The following KCNN1 variants were observed in gnomAD, a reference collection of about 807,000 sequenced individuals.
The protein encoded by KCNN1 is potassium calcium-activated channel subfamily N member 1.
A neutral mutation model predicts 44.7 loss-of-function variants in KCNN1; 20 were observed. The ratio of observed to expected loss-of-function variants is 0.45; its 90% CI spans 0.32 to 0.65. The LOEUF is 0.65. Ranked by LOEUF, KCNN1 falls within the 30% of genes least tolerant of loss-of-function variation. The pLI is 0.05. For missense variants in KCNN1, 632 were observed against 785.3 expected, an observed-to-expected ratio of 0.80 and a Z score of 2.33; for synonymous variants, 324 against 341.7, an observed-to-expected ratio of 0.95 and a Z score of 0.57.
chr19:17,996,481 C>G (rs1568461748), intron 9 of KCNN1, among the ~76,000 whole-genome samples: 1 of 152,116 alleles, frequency 6.6e-6, no homozygotes, highest in Non-Finnish European at 1.5e-5. Context: ...TAGCGGGCAC[C>G]TGTAATCTCA....
chr19:17,998,539 C>T lies in KCNN1; in HGVS notation c.*133C>T, dbSNP rs2033083515. ...TCAGGCTGAGTGGACTGAGGCCTGC[C>T]CCGCCCAGACTGCCCAGGCAGAGGG... On this transcript the variant is annotated 3_prime_UTR_variant, in exon 10 of 10. Coordinates refer to ENST00000684775, the MANE Select transcript of KCNN1 (RefSeq NM_001386974.1). The surrounding 1 kb of genome is among the most constrained non-coding windows in gnomAD (Gnocchi z 5.4). 1.1e-6 allele frequency: 1 copy of T among 945,944 alleles called. No individual in the cohort carries two copies. Among genetic ancestry groups the T allele is most frequent in the African/African-American group, 1.7e-5 (1 of 59,372 alleles). 58.6% of individuals were successfully genotyped at this position (945,944 alleles called of 1,614,324 possible).
Position 17,974,660 on chromosome 19 carries a change from C to T in KCNN1, c.402+370C>T, listed in dbSNP as rs762786830. 6.6e-6 allele frequency among the ~76,000 whole-genome samples: 1 copy of T among 152,166 alleles called. No homozygotes were observed. The highest frequency in any genetic ancestry group is 1.5e-5 in the Non-Finnish European group (1 of 68,024). On this transcript the variant is annotated intron_variant, in intron 2 of 9. Transcript: ENST00000684775. This position sits in a 1 kb window ranked among gnomAD's most constrained non-coding sequence, Gnocchi z 7.3. The stretch of plus-strand genomic sequence containing the variant: ...CAGGTTACAAGCCTGGCTGTGGGTT[C>T]CCTCATGCCACCTAGAATGTGTGAG...
At position 17,973,976 on chromosome 19, in the gene KCNN1, G is replaced by C. The variant is rs1253258479; in HGVS notation, c.88G>C (p.Ala30Pro). 6.4e-7 allele frequency: 1 copy of C among 1,569,780 alleles called. No homozygotes were observed. The highest frequency in any genetic ancestry group is 2.3e-5 in the East Asian group (1 of 42,574). The change falls in exon 2 of 10, where the codon GCC becomes CCC. Residue 30 changes from alanine to proline, a missense_variant. Transcript: ENST00000684775. ...ALGRDPPDPEAGHPPQPPHSP... is the reference protein window; with the variant it reads ...ALGRDPPDPEPGHPPQPPHSP... ...GGGACGAGACCCTCCGGACCCTGAGGCCGGCCACCCCCCACAACCCCCGCA... is the reference window on the plus strand; with the variant it reads ...GGGACGAGACCCTCCGGACCCTGAGCCCGGCCACCCCCCACAACCCCCGCA...
intron 7 of KCNN1, among the ~76,000 whole-genome samples, chr19:17,990,282 C>G (rs1429305734): frequency 6.7e-6 from 1 of 148,734 alleles, no homozygotes; most frequent in East Asian, 2.0e-4. Flanking sequence ...TCCAGGAGTT[C>G]AACACCATCC....
At position 17,967,328 on chromosome 19, in the gene KCNN1, G is replaced by A. The variant is rs1021405156; in HGVS notation, c.-82+11G>A. 4.1e-6 allele frequency: 4 copies of A among 984,818 alleles called. No homozygotes were observed. In the African/African-American group the frequency reaches 7.0e-5, roughly 17 times the overall value. The allele number at this position is 984,818 out of a possible 1,614,324, so 61.0% of individuals were successfully genotyped here. ...GGCCGAGCCCCGCAGGTACAGGGTG[G>A]GATGGGTGAGGGTGCGGGAGGATCC... On this transcript the variant is annotated intron_variant, in intron 1 of 9. Coordinates refer to ENST00000684775, the MANE Select transcript of KCNN1 (RefSeq NM_001386974.1).
Position 17,980,228 on chromosome 19 carries a change from ATTTTT to A in KCNN1, c.499-1454_499-1450del, listed in dbSNP as rs34810089. Among the ~76,000 whole-genome samples the A allele has an allele frequency of 3.4e-4, 15 of 44,534 alleles. No individual in the cohort carries two copies. In the South Asian group the frequency reaches 3.7e-3, roughly 11 times the overall value. 29.2% of individuals were successfully genotyped at this position (44,534 alleles called of 152,430 possible). On this transcript the variant is annotated intron_variant, in intron 3 of 9. Coordinates refer to ENST00000684775, the MANE Select transcript of KCNN1 (RefSeq NM_001386974.1). The stretch of plus-strand genomic sequence containing the variant: ...AGGCACCCGCCACCACACCTAGCTA[ATTTTT>A]TTTTTTTTTTTTTTTTTTTTTTTTT...
chr19:17,951,940 GT>G (rs1289897221), intron 1 of KCNN1, among the ~76,000 whole-genome samples: 2 of 152,260 alleles, frequency 1.3e-5, no homozygotes, highest in Non-Finnish European at 2.9e-5. Context: ...CCGGGCCTCA[GT>G]TTCCCCGTCT....
intron 1 of KCNN1, chr19:17,952,168 C>T (rs2031427089): frequency 6.6e-6 from 1 of 152,058 alleles, no homozygotes; most frequent in Admixed American, 6.6e-5. Flanking sequence ...CCTGCGGGGT[C>T]CGCGCCCCCT....
chr19:17,958,338 G>C (rs1729579868), intron 2 of KCNN1, among the ~76,000 whole-genome samples: 1 of 151,958 alleles, frequency 6.6e-6, no homozygotes, highest in African/African-American at 2.4e-5. Flanking sequence ...AAAATAGCTA[G>C]GCATGGTAGC....
rs1402724134 is a variant in KCNN1, at chr19:17,983,678, C to T, written c.917+1551C>T. On this transcript the variant is annotated intron_variant, in intron 4 of 9. Transcript: ENST00000684775. This position sits in a 1 kb window ranked among gnomAD's most constrained non-coding sequence, Gnocchi z 4.5. ...CAATGCTTGAAGCCCCCTTGCCTGCCTCGCTCTGACCCACCCCCGCCTCCC... is the reference window on the plus strand; with the variant it reads ...CAATGCTTGAAGCCCCCTTGCCTGCTTCGCTCTGACCCACCCCCGCCTCCC... 1.3e-5 allele frequency among the ~76,000 whole-genome samples: 2 copies of T among 152,062 alleles called. No homozygotes were observed.
chr19:17,952,995 C>T (rs1416603718), intron 1 of KCNN1, among the ~76,000 whole-genome samples: 2 of 152,178 alleles, frequency 1.3e-5, no homozygotes. Flanking sequence ...TTGGGATCCT[C>T]TGCCCCCGCC....
In KCNN1 at chr19:17,974,538, C is replaced by T. The variant is rs1056577793; in HGVS notation, c.402+248C>T. Among the ~76,000 whole-genome samples the T allele has an allele frequency of 6.6e-6, 1 of 152,136 alleles. No homozygotes were observed. Among genetic ancestry groups the T allele is most frequent in the Non-Finnish European group, 1.5e-5 (1 of 67,990 alleles). On this transcript the variant is annotated intron_variant, in intron 2 of 9. Coordinates refer to ENST00000684775, the MANE Select transcript of KCNN1 (RefSeq NM_001386974.1). This position sits in a 1 kb window ranked among gnomAD's most constrained non-coding sequence, Gnocchi z 7.3. ...CAAGGGGCTGCACCCTGGCTTAAGG[C>T]GGAGGGGGGCTTCCCCCCAGGACAG... is the stretch of plus-strand genomic sequence containing the variant.
intron 2 of KCNN1, among the ~76,000 whole-genome samples, chr19:17,954,977 G>GAGAT (rs1438505645): frequency 3.0e-4 from 45 of 150,976 alleles, no homozygotes; most frequent in Non-Finnish European, 6.2e-4. Context: ...GGCAGAGGTT[G>GAGAT]CAGTGAGCCA....
In KCNN1 at chr19:17,989,717, T is replaced by TA. The variant is rs776394504; in HGVS notation, c.1178dup (p.Asn393LysfsTer5). ...GAATTGTTCTTTTTCTGGCCCCAGGTAAAAAACGCCGCTGCTAACGTTCTC... is the reference window on the plus strand; with the variant it reads ...GAATTGTTCTTTTTCTGGCCCCAGGTAAAAAAACGCCGCTGCTAACGTTCTC... On this transcript the variant is annotated frameshift_variant and splice_region_variant, in exon 7 of 10. Transcript: ENST00000684775. LOFTEE classifies it high-confidence loss of function. 1.2e-6 allele frequency: 2 copies of TA among 1,613,754 alleles called. No homozygotes were observed. The highest frequency in any genetic ancestry group is 1.7e-6 in the Non-Finnish European group (2 of 1,179,826).
At position 17,982,026 on chromosome 19, in the gene KCNN1, C is replaced by G; in HGVS notation, c.816C>G (p.Phe272Leu). 1 of 1,609,900 alleles carries G rather than the reference C, an allele frequency of 6.2e-7. No homozygotes were observed. The highest frequency in any genetic ancestry group is 8.5e-7 in the Non-Finnish European group (1 of 1,178,278). Residue 272 changes from phenylalanine (F) to leucine (L), a missense_variant, in exon 4 of 10, where the codon TTC becomes TTG. Coordinates refer to ENST00000684775, the MANE Select transcript of KCNN1 (RefSeq NM_001386974.1). ...ALNKITFNTR[F>L]VMKTLMTICP... ...ACAAGATCACCTTCAACACGCGCTT[C>G]GTCATGAAGACACTCATGACCATCT...
At position 17,998,641 on chromosome 19, in the gene KCNN1, C is replaced by A. The variant is rs1386740425; in HGVS notation, c.*235C>A. ...CCTGGTCCCCCGACTCTCCCCAGGC[C>A]CCCGGTGGGCATGGAGCAGCCCGGG... On this transcript the variant is annotated 3_prime_UTR_variant, in exon 10 of 10. Transcript: ENST00000684775. This position sits in a 1 kb window ranked among gnomAD's most constrained non-coding sequence, Gnocchi z 5.4. The A allele has an allele frequency of 4.3e-6, 2 of 465,200 alleles. No individual in the cohort carries two copies. Among genetic ancestry groups the A allele is most frequent in the Non-Finnish European group, 7.5e-6 (2 of 267,290 alleles). The allele number at this position is 465,200 out of a possible 1,614,324, so 28.8% of individuals were successfully genotyped here.
At chr19:17,978,027 T>C (rs2032262980) in intron 3 of KCNN1, among the ~76,000 whole-genome samples, 1 of 151,944 alleles carries the variant, frequency 6.6e-6, no homozygotes, top group Non-Finnish European at 1.5e-5. Context: ...GTGATGGAAG[T>C]GTTCTGAAAT....
upstream of KCNN1, among the ~76,000 whole-genome samples, chr19:17,963,000 C>CTT (rs71164332): frequency 1.0e-2 from 815 of 81,622 alleles, 7 homozygotes; most frequent in African/African-American, 0.017. Flanking sequence ...CACGCCCAGG[C>CTT]TTTTTTTTTT....
intron 5 of KCNN1, among the ~76,000 whole-genome samples, chr19:17,987,378 G>A (rs1278340757): frequency 6.6e-6 from 1 of 152,150 alleles, no homozygotes; most frequent in African/African-American, 2.4e-5. Context: ...CCAAAGTGCT[G>A]GGATTACAGG....
Sources: allele counts gnomAD v4.1 joint callset (sites outside exome capture counted in the v4.1 genomes callset), GRCh38; gene constraint gnomAD v4.1.1; non-coding constraint Gnocchi (gnomAD v3.1); transcripts MANE v1.5; gene names NCBI Gene and HGNC (gene_info 2026-07-23, HGNC 2026-07-21).